The following VCAN variants were observed in gnomAD, a reference collection of about 807,000 sequenced individuals.
VCAN encodes versican.
VCAN carries 44 observed loss-of-function variants against 245.5 expected under a neutral mutation model. The ratio of observed to expected loss-of-function variants is 0.18; its 90% CI spans 0.14 to 0.23. VCAN has a LOEUF of 0.23. VCAN is among the 10% of genes least tolerant of loss of function. VCAN has a pLI of 1.00. For synonymous variants in VCAN, 1,413 were observed against 1,437.0 expected (o/e 0.98, Z 0.38); for missense variants, 3,793 against 4,057.9 (o/e 0.93, Z 1.77).
chr5:83,490,479 C>T lies in VCAN; in HGVS notation c.445+7C>T, dbSNP rs1396995791. On this transcript the variant is annotated splice_region_variant and intron_variant, in intron 3 of 14. Transcript: ENST00000265077. Reference sequence around the variant, plus strand: ...GTGTCACTGACTGTGGATGGTAAGGCTTTTATTATCTGCAAGAAGGTAGTA... The same window carrying T: ...GTGTCACTGACTGTGGATGGTAAGGTTTTTATTATCTGCAAGAAGGTAGTA... 1.2e-6 allele frequency: 2 copies of T among 1,613,546 alleles called. No individual in the cohort carries two copies. Among genetic ancestry groups the T allele is most frequent in the Non-Finnish European group, 1.7e-6 (2 of 1,179,970 alleles).
chr5:83,535,031 T>C (rs1020401880), intron 7 of VCAN, among the ~76,000 whole-genome samples: 7 of 152,202 alleles, frequency 4.6e-5, no homozygotes, highest in Admixed American at 1.3e-4. Flanking sequence ...TAGTTACCTA[T>C]ATTTTTAAAT....
chr5:83,559,241 T>C (rs901015466), intron 12 of VCAN, among the ~76,000 whole-genome samples: 1 of 152,196 alleles, frequency 6.6e-6, no homozygotes, highest in Non-Finnish European at 1.5e-5. Flanking sequence ...TTAAAGTTCT[T>C]TCTTAAACCA....
In VCAN at chr5:83,483,577, C is replaced by A. The variant is rs750206974; in HGVS notation, c.59C>A (p.Ala20Glu). 1.2e-6 allele frequency: 2 copies of A among 1,612,970 alleles called. No homozygotes were observed. The highest frequency in any genetic ancestry group is 1.7e-6 in the Non-Finnish European group (2 of 1,179,354). The change falls in exon 2 of 15, where the codon GCG becomes GAG. Residue 20 changes from alanine to glutamate, a missense_variant. Physicochemically the swap from Ala to Glu is moderately radical, Grantham distance 107. Transcript: ENST00000265077. ...WMCSTLIVTHALHKVKVGKSP... is the reference protein window; with the variant it reads ...WMCSTLIVTHELHKVKVGKSP... The stretch of plus-strand genomic sequence containing the variant: ...TGTTCAACCTTAATAGTAACCCATG[C>A]GCTACATAAAGGTGAGTGTGCTAAC...
At chr5:83,472,384 T>C (rs1172975779) in intron 1 of VCAN, among the ~76,000 whole-genome samples, 1 of 152,050 alleles carries the variant, frequency 6.6e-6, no homozygotes. Context: ...CTTTGGCACT[T>C]TGATTTTTTT....
At chr5:83,515,933 A>G (rs1300767685) in intron 6 of VCAN, among the ~76,000 whole-genome samples, 1 of 152,176 alleles carries the variant, frequency 6.6e-6, no homozygotes, top group African/African-American at 2.4e-5. Context: ...ATATAACTTT[A>G]AAAAGATAGT....
chr5:83,551,062 C>T (rs528234602), intron 10 of VCAN, among the ~76,000 whole-genome samples: 2 of 151,492 alleles, frequency 1.3e-5, no homozygotes, highest in Admixed American at 6.6e-5. Context: ...ACAGAAACCC[C>T]GCCTCTATTT....
intron 2 of VCAN, 72 bp downstream of exon 2, chr5:83,483,660 G>A: frequency 1.5e-6 from 2 of 1,341,118 alleles, no homozygotes; most frequent in Non-Finnish European, 2.1e-6. Flanking sequence ...AAATGGCAAT[G>A]TGGAATCACT....
In VCAN at chr5:83,539,404, C is replaced by CAACAGAACA. The variant is rs1746872356; in HGVS notation, c.6406_6414dup (p.Glu2136_Thr2138dup). 2 of 1,613,936 alleles carry CAACAGAACA rather than the reference C, an allele frequency of 1.2e-6. No homozygotes were observed. The highest frequency in any genetic ancestry group is 1.7e-6 in the Non-Finnish European group (2 of 1,179,950). On this transcript the variant is annotated inframe_insertion, in exon 8 of 15. Transcript: ENST00000265077. Reference sequence around the variant, plus strand: ...TTTGAATCCCCTCAAAACTCTCCTGCAACAGAACAAACAATCTTTGATTCA... The same window carrying CAACAGAACA: ...TTTGAATCCCCTCAAAACTCTCCTGCAACAGAACAAACAGAACAAACAATCTTTGATTCA...
In VCAN at chr5:83,521,846, A is replaced by G. The variant is rs141764458; in HGVS notation, c.3540A>G (p.Leu1180=). The change falls in exon 7 of 15, where the codon TTA becomes TTG. Residue 1180 remains leucine (L), a synonymous_variant. Transcript: ENST00000265077. Reference sequence around the variant, plus strand: ...AAACATCCCTAGAGGATATTGATTTAGGCTCAGGATTATTTGAAAAGCCCA... The same window carrying G: ...AAACATCCCTAGAGGATATTGATTTGGGCTCAGGATTATTTGAAAAGCCCA... ...TEKTSLEDID[L]GSGLFEKPKA... is the part of the protein sequence containing the mutation. The G allele has an allele frequency of 1.1e-5, 17 of 1,614,084 alleles. No individual in the cohort carries two copies. The highest frequency in any genetic ancestry group is 1.4e-5 in the Non-Finnish European group (16 of 1,180,034).
At chr5:83,483,078 T>C (rs1387827220) in intron 1 of VCAN, among the ~76,000 whole-genome samples, 3 of 152,214 alleles carry the variant, frequency 2.0e-5, no homozygotes, top group Non-Finnish European at 4.4e-5. Context: ...TCTCTATTGC[T>C]CCCCATCTTC....
intron 12 of VCAN, among the ~76,000 whole-genome samples, chr5:83,561,756 A>G (rs1337491882): frequency 6.6e-6 from 1 of 152,196 alleles, no homozygotes; most frequent in Non-Finnish European, 1.5e-5. Flanking sequence ...AAAGGGGCAG[A>G]AAAAATGGAG....
chr5:83,537,387 T>C lies in VCAN; in HGVS notation c.4384T>C (p.Ser1462Pro), dbSNP rs770407078. The change falls in exon 8 of 15, where the codon TCT becomes CCT. Residue 1462 changes from serine to proline, a missense_variant. Ser to Pro is a moderately conservative substitution (Grantham distance 74, BLOSUM62 -1). Around this residue, in one of 5 missense-constraint regions of VCAN, gnomAD observed 3,182 missense variants for 3,250.3 expected, o/e 0.98. Coordinates refer to ENST00000265077, the MANE Select transcript of VCAN (RefSeq NM_004385.5). ...ATTTGTAATAGCCAAAACGGAATTGTCTACTGCTGTGCAACCTAATGAATC... is the reference window on the plus strand; with the variant it reads ...ATTTGTAATAGCCAAAACGGAATTGCCTACTGCTGTGCAACCTAATGAATC... ...HPFVIAKTEL[S>P]TAVQPNESTE... 6.2e-7 allele frequency: 1 copy of C among 1,613,978 alleles called. No individual in the cohort carries two copies. The highest frequency in any genetic ancestry group is 8.5e-7 in the Non-Finnish European group (1 of 1,179,942).
Position 83,537,201 on chromosome 5 carries a change from A to G in VCAN, c.4198A>G (p.Thr1400Ala). The G allele has an allele frequency of 6.2e-7, 1 of 1,613,808 alleles. No homozygotes were observed. The highest frequency in any genetic ancestry group is 8.5e-7 in the Non-Finnish European group (1 of 1,179,922). ...EEEEEECANA[T>A]DVTTTPSVQY... The stretch of plus-strand genomic sequence containing the variant: ...AGAAGAAGAAGAGTGTGCAAATGCT[A>G]CTGATGTGACAACCACCCCATCTGT... The change falls in exon 8 of 15, where the codon ACT becomes GCT. Residue 1400 changes from threonine to alanine, a missense_variant. Physicochemically the swap from Thr to Ala is moderately conservative, Grantham distance 58. Transcript: ENST00000265077.
Position 83,521,644 on chromosome 5 carries a change from A to G in VCAN, c.3338A>G (p.Lys1113Arg). The G allele has an allele frequency of 6.2e-7, 1 of 1,613,918 alleles. No individual in the cohort carries two copies. Among genetic ancestry groups the G allele is most frequent in the Non-Finnish European group, 8.5e-7 (1 of 1,180,030 alleles). The change falls in exon 7 of 15, where the codon AAA (lysine) becomes AGA (arginine). Residue 1113 changes from lysine (K) to arginine (R), a missense_variant. Around this residue, in one of 5 missense-constraint regions of VCAN, gnomAD observed 3,182 missense variants for 3,250.3 expected, o/e 0.98. Transcript: ENST00000265077. ...SYPPGAVTEHKVKTDEVVTLT... is the reference protein window; with the variant it reads ...SYPPGAVTEHRVKTDEVVTLT... ...CCACCAGGTGCTGTAACTGAGCACAAAGTGAAAACAGATGAAGTGGTAACA... is the reference window on the plus strand; with the variant it reads ...CCACCAGGTGCTGTAACTGAGCACAGAGTGAAAACAGATGAAGTGGTAACA...
At position 83,509,804 on chromosome 5, in the gene VCAN, CTCTG is replaced by C. The variant is rs367957672; in HGVS notation, c.749-2294_749-2291del. Among the ~76,000 whole-genome samples, 88 of 152,284 alleles carry C rather than the reference CTCTG, an allele frequency of 5.8e-4. 1 individual carries two copies. In the East Asian group the frequency reaches 0.016, roughly 28 times the overall value. The stretch of plus-strand genomic sequence containing the variant: ...GAGGCTGTTCAGGATGACGTAATTT[CTCTG>C]TCTGCCTTTCTCCATGTTGCTTTGA... On this transcript the variant is annotated intron_variant, in intron 5 of 14. Transcript: ENST00000265077.
intron 11 of VCAN, 22 bp downstream of exon 11, chr5:83,553,544 G>A: frequency 6.2e-7 from 1 of 1,613,678 alleles, no homozygotes; most frequent in Non-Finnish European, 8.5e-7. Flanking sequence ...ATAGATACGA[G>A]TTTCCAGGAA....
chr5:83,545,814 A>C (rs1344468487), intron 9 of VCAN, among the ~76,000 whole-genome samples, 164 bp downstream of exon 9: 1 of 152,212 alleles, frequency 6.6e-6, no homozygotes, highest in Admixed American at 6.5e-5. Flanking sequence ...GGGGCTGGAA[A>C]ATGGGTACAG....
At chr5:83,475,277 G>A (rs1337069799) in intron 1 of VCAN, among the ~76,000 whole-genome samples, 1 of 152,206 alleles carries the variant, frequency 6.6e-6, no homozygotes, top group Non-Finnish European at 1.5e-5. Flanking sequence ...GCTTGGTGCA[G>A]ACGAGACGGT....
chr5:83,554,790 G>A (rs183905319), intron 11 of VCAN, among the ~76,000 whole-genome samples, 166 bp from the exon 12 acceptor site: 31 of 152,174 alleles, frequency 2.0e-4, no homozygotes, highest in Admixed American at 9.8e-4. Context: ...AGCACATTGG[G>A]CAGAAGAACA....
Sources: gnomAD v4.1 joint callset for allele counts (sites outside exome capture counted in the v4.1 genomes callset) on GRCh38, gnomAD v4.1.1 for gene constraint, gnomAD v4.1.1 regional missense constraint, MANE v1.5 for transcripts, NCBI Gene and HGNC (gene_info 2026-07-23, HGNC 2026-07-21) for gene names.